LMO7: variants seen among roughly 807,000 people sequenced by gnomAD.
LMO7 encodes the protein LIM domain only protein 7.
Under a neutral mutation model 206.5 loss-of-function variants are expected in LMO7, and 120 were observed. The observed-to-expected ratio is 0.58, with a 90% CI of 0.50 to 0.68. LMO7 has a LOEUF of 0.68. Ranked by LOEUF, LMO7 falls within the 30% of genes least tolerant of loss-of-function variation. The pLI, the probability that LMO7 is intolerant of heterozygous loss-of-function variation, is 0.00. For synonymous variants in LMO7, 706 were observed against 681.5 expected, an observed-to-expected ratio of 1.04 and a Z score of -0.56; for missense variants, 1,959 against 1,957.9, an observed-to-expected ratio of 1.00 and a Z score of -0.01.
chr13:75,853,932 A>G (rs954235241), intron 28 of LMO7, among the ~76,000 whole-genome samples: 1 of 152,184 alleles, frequency 6.6e-6, no homozygotes, highest in Non-Finnish European at 1.5e-5. Flanking sequence ...GGGGTTTTTG[A>G]TTGCGAAAAT....
At chr13:75,726,194 A>T (rs1283103674) in intron 2 of LMO7, among the ~76,000 whole-genome samples, 2 of 152,070 alleles carry the variant, frequency 1.3e-5, no homozygotes, top group Non-Finnish European at 2.9e-5. Flanking sequence ...GCTAACATTA[A>T]TAGAAAAGCA....
intron 3 of LMO7, among the ~76,000 whole-genome samples, chr13:75,752,682 A>G (rs2139476400): frequency 6.6e-6 from 1 of 152,304 alleles, no homozygotes; most frequent in African/African-American, 2.4e-5. Context: ...GAGAACATGT[A>G]GTATTTGTCT....
intron 15 of LMO7, among the ~76,000 whole-genome samples, chr13:75,830,659 T>C (rs929649419): frequency 1.3e-5 from 2 of 152,168 alleles, no homozygotes; most frequent in Non-Finnish European, 2.9e-5. Context: ...TTATTAATAT[T>C]TAAGATGTTT....
intron 11 of LMO7, among the ~76,000 whole-genome samples, chr13:75,813,268 G>A (rs146749627): frequency 6.6e-6 from 1 of 152,336 alleles, no homozygotes; most frequent in East Asian, 1.9e-4. Context: ...TCTCTGATTT[G>A]AAGCAGCTTG....
chr13:75,677,675 G>A lies in LMO7; in HGVS notation c.70-35507G>A, dbSNP rs2040126953. On this transcript the variant is annotated intron_variant, in intron 1 of 30. Transcript: ENST00000377534. ...TTTTTATTATACTTTAAGTTCTAGGGTACATGTGCACAATGTGCAGGTTTG... is the reference window on the plus strand; with the variant it reads ...TTTTTATTATACTTTAAGTTCTAGGATACATGTGCACAATGTGCAGGTTTG... Among the ~76,000 whole-genome samples the A allele has an allele frequency of 2.0e-5, 3 of 150,764 alleles. No homozygotes were observed. In the South Asian group the frequency reaches 6.3e-4, roughly 32 times the overall value.
intron 4 of LMO7, among the ~76,000 whole-genome samples, chr13:75,786,448 C>T (rs1329751181): frequency 4.0e-5 from 6 of 151,150 alleles, no homozygotes; most frequent in Non-Finnish European, 5.9e-5. Flanking sequence ...AATCTCGGCT[C>T]ATTGCAAGCT....
chr13:75,686,221 G>T (rs987322141), intron 1 of LMO7, among the ~76,000 whole-genome samples: 8 of 152,056 alleles, frequency 5.3e-5, no homozygotes, highest in African/African-American at 1.7e-4. Context: ...ATTTCCAAAA[G>T]AAGATTATTG....
intron 2 of LMO7, among the ~76,000 whole-genome samples, chr13:75,723,808 T>C (rs577429211): frequency 5.9e-5 from 9 of 152,224 alleles, no homozygotes; most frequent in African/African-American, 1.9e-4. Context: ...CTTAGTCTGT[T>C]TGGGCTGCTG....
At chr13:75,709,916 G>T (rs1302505306) in intron 1 of LMO7, among the ~76,000 whole-genome samples, 10 of 152,134 alleles carry the variant, frequency 6.6e-5, no homozygotes, top group Middle Eastern at 3.2e-3. Flanking sequence ...TTCTTCTAGG[G>T]TTTTTATGGT....
intron 30 of LMO7, 55 bp from the exon 31 acceptor site, chr13:75,857,866 A>G (rs370009362): frequency 3.7e-5 from 47 of 1,286,716 alleles, no homozygotes; most frequent in Non-Finnish European, 4.8e-5. Flanking sequence ...CCAGATGGCA[A>G]TATTCACGTT....
At chr13:75,852,538 G>A in intron 27 of LMO7, among the ~76,000 whole-genome samples, 1 of 152,208 alleles carries the variant, frequency 6.6e-6, no homozygotes, top group Non-Finnish European at 1.5e-5. Flanking sequence ...GATTGACTAT[G>A]AAACATGATG....
rs561281017 is a variant in LMO7 at position 75,656,047 on chromosome 13, C to T, written c.69+19321C>T. Among the ~76,000 whole-genome samples the T allele has an allele frequency of 2.7e-3, 405 of 152,270 alleles. 3 individuals carry two copies. Among genetic ancestry groups the T allele is most frequent in the African/African-American group, 9.3e-3 (387 of 41,558 alleles). On this transcript the variant is annotated intron_variant, in intron 1 of 30. Coordinates refer to ENST00000377534, the MANE Select transcript of LMO7 (RefSeq NM_001306080.2). ...TGTTTTTCTGCCTTCAGGAAAACAT[C>T]TCTACCTCCTCTCATCCTGGAAGCC...
At chr13:75,625,427 ATGTGTG>A (rs59334649) in intron 2 of LMO7, among the ~76,000 whole-genome samples, 32,509 of 103,468 alleles carry the variant, frequency 0.31, 3,731 homozygotes, top group East Asian at 0.48. Context: ...GTGTGTGTGC[ATGTGTG>A]TGTGTGTGTG....
At position 75,834,386 on chromosome 13, in the gene LMO7, T is replaced by C; in HGVS notation, c.3225T>C (p.Ala1075=). 1 of 1,589,902 alleles carries C rather than the reference T, an allele frequency of 6.3e-7. No homozygotes were observed. The highest frequency in any genetic ancestry group is 8.6e-7 in the Non-Finnish European group (1 of 1,168,920). ...TGGATGTGAGGCGCTATGGAAAGGC[T>C]GGTGAGTTTGTGTTACCACCATGTC... ...LVMDVRRYGK[A]GSPETKWIDA... The change falls in exon 17 of 31, where the codon GCT becomes GCC. Residue 1075 remains alanine, a splice_region_variant and synonymous_variant. Coordinates refer to ENST00000377534, the MANE Select transcript of LMO7 (RefSeq NM_001306080.2).
chr13:75,817,142 A>G lies in LMO7; in HGVS notation c.1947-19A>G, dbSNP rs748835533. 9 of 1,572,740 alleles carry G rather than the reference A, an allele frequency of 5.7e-6. No individual in the cohort carries two copies. Among genetic ancestry groups the G allele is most frequent in the South Asian group, 2.2e-5 (2 of 89,844 alleles). ...GGTCATGTGAACTTCCGTAGTAACC[A>G]TGAGTCTTTTTGTTGTAGGAGTAAG... On this transcript the variant is annotated intron_variant, in intron 11 of 30. Coordinates refer to ENST00000377534, the MANE Select transcript of LMO7 (RefSeq NM_001306080.2).
chr13:75,834,463 T>A, intron 17 of LMO7, 76 bp downstream of exon 17: 1 of 1,106,112 alleles, frequency 9.0e-7, no homozygotes, highest in South Asian at 1.9e-5. Context: ...AACAATTTGC[T>A]TCAATAACTT....
intron 1 of LMO7, among the ~76,000 whole-genome samples, chr13:75,648,403 G>A (rs2037249445): frequency 6.6e-6 from 1 of 152,306 alleles, no homozygotes; most frequent in African/African-American, 2.4e-5. Context: ...GCTGAAGCCG[G>A]CAGGCCCAGT....
At chr13:75,677,654 T>TTTTA (rs1368736721) in intron 1 of LMO7, among the ~76,000 whole-genome samples, 24 of 149,634 alleles carry the variant, frequency 1.6e-4, no homozygotes, top group Middle Eastern at 3.2e-3. Flanking sequence ...TTTTTTTTTT[T>TTTTA]ATTATACTTT....
chr13:75,680,030 T>C (rs2040340720), intron 1 of LMO7, among the ~76,000 whole-genome samples: 2 of 152,240 alleles, frequency 1.3e-5, no homozygotes, highest in Admixed American at 6.5e-5. Context: ...AAGCCCAGCA[T>C]GCGTTAACTA....
Sources: gnomAD v4.1 joint callset for allele counts (sites outside exome capture counted in the v4.1 genomes callset) on GRCh38, gnomAD v4.1.1 for gene constraint, MANE v1.5 for transcripts, NCBI Gene and HGNC (gene_info 2026-07-23, HGNC 2026-07-21) for gene names.